HAO1: variants seen among roughly 807,000 people sequenced by gnomAD.
The protein encoded by HAO1 is hydroxyacid oxidase 1.
HAO1 carries 34 observed loss-of-function variants against 39.7 expected under a neutral mutation model. That is an observed-to-expected ratio of 0.86 (90% confidence interval 0.65 to 1.14). The LOEUF is 1.14. Among genes scored for constraint, HAO1 ranks in the 50% most tolerant of loss-of-function variants. The pLI, the probability that HAO1 is intolerant of heterozygous loss-of-function variation, is 0.00. For synonymous variants in HAO1, 172 were observed against 173.2 expected, an observed-to-expected ratio of 0.99 and a Z score of 0.05; for missense variants, 479 against 464.5, an observed-to-expected ratio of 1.03 and a Z score of -0.29.
chr20:7,897,538 T>C (rs1352578348), intron 4 of HAO1, among the ~76,000 whole-genome samples: 1 of 152,098 alleles, frequency 6.6e-6, no homozygotes, highest in Non-Finnish European at 1.5e-5. Flanking sequence ...ATTCAGTCAT[T>C]TCAGCAATCA....
At chr20:7,886,119 A>G (rs1337968683) in intron 5 of HAO1, among the ~76,000 whole-genome samples, 2 of 152,086 alleles carry the variant, frequency 1.3e-5, no homozygotes, top group African/African-American at 2.4e-5. Context: ...TCTGTTTCTT[A>G]TATTCAAAGA....
chr20:7,886,376 G>C (rs1386388247), intron 5 of HAO1, among the ~76,000 whole-genome samples: 1 of 152,050 alleles, frequency 6.6e-6, no homozygotes, highest in African/African-American at 2.4e-5. Context: ...GTTTCATCAT[G>C]TTGGCCAGAC....
Position 7,932,631 on chromosome 20 carries a change from A to T in HAO1, c.289+1853T>A, listed in dbSNP as rs77735748. 2.7e-3 allele frequency among the ~76,000 whole-genome samples: 411 copies of T among 152,322 alleles called. 5 individuals carry two copies. The highest frequency in any genetic ancestry group is 9.0e-3 in the African/African-American group (373 of 41,582). ...CTATTGTTTGCAACTGATTTCTCAC[A>T]ATTTTAAATTAAAATATCATTCTAC... On this transcript the variant is annotated intron_variant, in intron 2 of 7. Transcript: ENST00000378789.
At position 7,903,718 on chromosome 20, in the gene HAO1, A is replaced by ATGGTGGTAGTTG. The variant is rs1267037681; in HGVS notation, c.721+2424_721+2435dup. On this transcript the variant is annotated intron_variant, in intron 4 of 7. Transcript: ENST00000378789. ...GGTGGTGTTGATGGAGGTTGTGGCT[A>ATGGTGGTAGTTG]TGGTGGTAGTTGTGGTGGTGGTGGT... 6.8e-4 allele frequency among the ~76,000 whole-genome samples: 93 copies of ATGGTGGTAGTTG among 136,832 alleles called. 1 individual carries two copies. The highest frequency in any genetic ancestry group is 2.5e-3 in the African/African-American group (91 of 35,778). The allele number at this position is 136,832 out of a possible 152,430, so 89.8% of individuals were successfully genotyped here. A position where few individuals can be genotyped will look rare whatever the true frequency, so the allele number is the denominator to read the frequency against.
intron 2 of HAO1, among the ~76,000 whole-genome samples, chr20:7,923,159 C>A (rs1019427490): frequency 6.6e-6 from 1 of 152,102 alleles, no homozygotes; most frequent in Admixed American, 6.6e-5. Flanking sequence ...TAAAAGAACT[C>A]ATCAAGTATG....
At chr20:7,908,463 A>G (rs1361709595) in intron 3 of HAO1, among the ~76,000 whole-genome samples, 3 of 152,070 alleles carry the variant, frequency 2.0e-5, no homozygotes, top group Non-Finnish European at 2.9e-5. Context: ...TATTTTTAAC[A>G]ATCATGACTT....
intron 4 of HAO1, 27 bp downstream of exon 4, chr20:7,906,127 T>C (rs2050246458): frequency 1.3e-6 from 2 of 1,498,884 alleles, no homozygotes; most frequent in Admixed American, 1.7e-5. Context: ...AAAGTCAGTA[T>C]GAATTCAAGT....
intron 2 of HAO1, among the ~76,000 whole-genome samples, chr20:7,914,943 A>C: frequency 6.6e-6 from 1 of 152,156 alleles, no homozygotes; most frequent in African/African-American, 2.4e-5. Flanking sequence ...ACGTGGTGAA[A>C]CCCCATCTCT....
chr20:7,918,821 A>G (rs1448169269), intron 2 of HAO1, among the ~76,000 whole-genome samples: 1 of 152,240 alleles, frequency 6.6e-6, no homozygotes, highest in Non-Finnish European at 1.5e-5. Flanking sequence ...GACTTCATCA[A>G]AAAGTTCTGA....
chr20:7,901,141 T>A lies in HAO1; in HGVS notation c.721+5013A>T, dbSNP rs377064765. Among the ~76,000 whole-genome samples, 675 of 152,026 alleles carry A rather than the reference T, an allele frequency of 4.4e-3. 2 individuals carry two copies. The highest frequency in any genetic ancestry group is 0.015 in the African/African-American group (630 of 41,456). ...AGTTAGCAGAGGTTGATTCCTGAGG[T>A]TTAAAGGAAGGAGCCATCTCTATAA... On this transcript the variant is annotated intron_variant, in intron 4 of 7. Coordinates refer to ENST00000378789, the MANE Select transcript of HAO1 (RefSeq NM_017545.3).
At chr20:7,930,011 A>T (rs1383630320) in intron 2 of HAO1, among the ~76,000 whole-genome samples, 2 of 152,180 alleles carry the variant, frequency 1.3e-5, no homozygotes, top group Non-Finnish European at 2.9e-5. Flanking sequence ...AGACTATGGC[A>T]CCATAGCAAT....
chr20:7,886,904 T>C (rs1264790544), intron 5 of HAO1, among the ~76,000 whole-genome samples: 1 of 152,174 alleles, frequency 6.6e-6, no homozygotes, highest in Non-Finnish European at 1.5e-5. Context: ...GAGAAGACCA[T>C]CCACCAGGTA....
intron 7 of HAO1, among the ~76,000 whole-genome samples, chr20:7,884,176 G>C (rs2050140797): frequency 6.6e-6 from 1 of 152,120 alleles, no homozygotes; most frequent in African/African-American, 2.4e-5. Context: ...AGTCAAATTA[G>C]AAATAGTCAC....
chr20:7,936,381 G>C (rs1410557285), intron 1 of HAO1, among the ~76,000 whole-genome samples: 1 of 152,148 alleles, frequency 6.6e-6, no homozygotes, highest in African/African-American at 2.4e-5. Context: ...ATTAGAATGA[G>C]AGAAAACGAT....
At chr20:7,895,055 G>A in intron 5 of HAO1, 78 bp downstream of exon 5, 3 of 894,492 alleles carry the variant, frequency 3.4e-6, no homozygotes, top group South Asian at 1.3e-5. Flanking sequence ...ACACAGAGAG[G>A]AGGAAGACAT....
At chr20:7,895,065 T>C in intron 5 of HAO1, 68 bp downstream of exon 5, 1 of 954,494 alleles carries the variant, frequency 1.0e-6, no homozygotes, top group Non-Finnish European at 1.7e-6. Flanking sequence ...GAGGAAGACA[T>C]AGAGATAGTA....
chr20:7,935,645 C>G (rs993925075), intron 1 of HAO1, among the ~76,000 whole-genome samples: 2 of 152,096 alleles, frequency 1.3e-5, no homozygotes, highest in African/African-American at 4.8e-5. Flanking sequence ...GTTTTTGACT[C>G]CGGAAAATTA....
At chr20:7,924,391 T>G (rs975527831) in intron 2 of HAO1, among the ~76,000 whole-genome samples, 1 of 152,136 alleles carries the variant, frequency 6.6e-6, no homozygotes, top group Non-Finnish European at 1.5e-5. Flanking sequence ...AGTTTCCAAA[T>G]GTTTAATGTC....
At chr20:7,926,645 T>A (rs1470653174) in intron 2 of HAO1, among the ~76,000 whole-genome samples, 1 of 152,168 alleles carries the variant, frequency 6.6e-6, no homozygotes. Flanking sequence ...CCTAATGCAG[T>A]CATCTGGGGT....
Sources: allele counts gnomAD v4.1 joint callset (sites outside exome capture counted in the v4.1 genomes callset), GRCh38; gene constraint gnomAD v4.1.1; transcripts MANE v1.5; gene names NCBI Gene and HGNC (gene_info 2026-07-23, HGNC 2026-07-21).